The following TGFBR3 variants were observed in gnomAD, a reference collection of about 807,000 sequenced individuals.
TGFBR3 encodes transforming growth factor beta receptor type 3.
In TGFBR3, 46 loss-of-function variants were observed where a neutral mutation model predicts 87.9. That is an observed-to-expected ratio of 0.52 (90% CI 0.41 to 0.67). The LOEUF (loss-of-function observed/expected upper bound fraction) is 0.67. TGFBR3 is among the 30% of genes least tolerant of loss of function. The probability of loss-of-function intolerance (pLI) is 0.00; values close to 1 mark genes in which losing one functional copy is unlikely to be tolerated. For synonymous variants in TGFBR3, 381 were observed against 391.6 expected, an observed-to-expected ratio of 0.97 and a Z score of 0.32; for missense variants, 866 against 1,041.9, an observed-to-expected ratio of 0.83 and a Z score of 2.32.
chr1:91,880,862 T>G (rs1198574322), intron 1 of TGFBR3, among the ~76,000 whole-genome samples: 2 of 149,686 alleles, frequency 1.3e-5, no homozygotes, highest in East Asian at 3.9e-4. Flanking sequence ...TATATACATA[T>G]TATATATTAT....
chr1:91,823,993 A>G lies in TGFBR3; in HGVS notation c.62-26522T>C, dbSNP rs1389084307. 4.6e-5 allele frequency among the ~76,000 whole-genome samples: 7 copies of G among 152,264 alleles called. No homozygotes were observed. The East Asian group carries it at 1.4e-3, about 29-fold the overall frequency. ...AAAAATACAAGAAATAGCCAAGTTT[A>G]GTGGTGCACACCTGTAGTACCAGTG... On this transcript the variant is annotated intron_variant, in intron 2 of 16. Coordinates refer to ENST00000212355, the MANE Select transcript of TGFBR3 (RefSeq NM_003243.5).
At chr1:91,769,626 C>A (rs375323831) in intron 3 of TGFBR3, among the ~76,000 whole-genome samples, 5 of 152,044 alleles carry the variant, frequency 3.3e-5, no homozygotes, top group African/African-American at 9.7e-5. Context: ...GATAAGGGAG[C>A]TGTGTTTTTG....
At chr1:91,890,782 C>G (rs913864084), upstream of TGFBR3, among the ~76,000 whole-genome samples, 5 of 152,140 alleles carry the variant, frequency 3.3e-5, no homozygotes, top group African/African-American at 9.7e-5. Flanking sequence ...CCCAAGGTCA[C>G]ACAACCAGCA....
chr1:91,685,490 T>C (rs755835219), intron 16 of TGFBR3, among the ~76,000 whole-genome samples: 1 of 151,872 alleles, frequency 6.6e-6, no homozygotes, highest in African/African-American at 2.4e-5. Flanking sequence ...GCCTGGCTAA[T>C]TTTTTGTATT....
chr1:91,734,631 G>C, intron 5 of TGFBR3, 145 bp downstream of exon 5: 1 of 1,012,580 alleles, frequency 9.9e-7, no homozygotes, highest in Non-Finnish European at 1.6e-6. Flanking sequence ...GCGGTGGAGA[G>C]GCCTGGGGCC....
intron 2 of TGFBR3, among the ~76,000 whole-genome samples, chr1:91,805,451 C>A (rs1675792191): frequency 6.6e-6 from 1 of 152,234 alleles, no homozygotes; most frequent in Non-Finnish European, 1.5e-5. Flanking sequence ...GCCACCAGCA[C>A]AGAGGCACAG....
Position 91,720,075 on chromosome 1 carries a change from T to C in TGFBR3, c.1231A>G (p.Arg411Gly), listed in dbSNP as rs752629058. Residue 411 changes from arginine (R) to glycine (G), a missense_variant, in exon 9 of 17, where the codon AGA becomes GGA. By Grantham distance (125) the Arg-to-Gly change is moderately radical (BLOSUM62 -2). Coordinates refer to ENST00000212355, the MANE Select transcript of TGFBR3 (RefSeq NM_003243.5). The part of the protein sequence containing the change: ...LPFPFPDISR[R>G]VWNEEGEDGL... ...TCTTCTCCCTCTTCATTCCAGACTC[T>C]CCTGGAAATATCTGGGAAAGGAAAC... is the stretch of plus-strand genomic sequence containing the variant. 10 of 1,614,006 alleles carry C rather than the reference T, an allele frequency of 6.2e-6. No individual in the cohort carries two copies. The African/African-American group carries it at 1.3e-4, about 22-fold the overall frequency.
intron 1 of TGFBR3, among the ~76,000 whole-genome samples, chr1:91,903,669 C>G (rs983612758): frequency 6.6e-6 from 1 of 151,784 alleles, no homozygotes; most frequent in South Asian, 2.1e-4. Context: ...CTTAGGAGTT[C>G]GAGGCTGCAG....
At chr1:91,857,763 A>T (rs545840152) in intron 2 of TGFBR3, among the ~76,000 whole-genome samples, 1 of 152,298 alleles carries the variant, frequency 6.6e-6, no homozygotes, top group South Asian at 2.1e-4. Context: ...ACACAGCAAG[A>T]TCCCATCTCT....
chr1:91,830,738 T>G (rs1169318557), intron 2 of TGFBR3, among the ~76,000 whole-genome samples: 1 of 152,030 alleles, frequency 6.6e-6, no homozygotes, highest in Non-Finnish European at 1.5e-5. Context: ...ATGAAGGGCA[T>G]AAGGAGTAGC....
chr1:91,698,571 C>T (rs368911745), intron 14 of TGFBR3, among the ~76,000 whole-genome samples: 37 of 142,842 alleles, frequency 2.6e-4, no homozygotes, highest in African/African-American at 9.0e-4. Context: ...AGGGCAGTGG[C>T]GCCCTCAGCT....
chr1:91,894,826 A>G (rs1484296302), intron 2 of TGFBR3, among the ~76,000 whole-genome samples: 1 of 152,240 alleles, frequency 6.6e-6, no homozygotes, highest in Non-Finnish European at 1.5e-5. Flanking sequence ...GCTGGAGTGC[A>G]GTGGCACAAA....
chr1:91,771,559 A>G (rs1275538597), intron 3 of TGFBR3, among the ~76,000 whole-genome samples: 2 of 151,962 alleles, frequency 1.3e-5, no homozygotes, highest in Non-Finnish European at 2.9e-5. Flanking sequence ...CAAAAAAATT[A>G]GCCGGGCGTG....
chr1:91,694,484 T>C (rs1671366154), intron 16 of TGFBR3, among the ~76,000 whole-genome samples: 1 of 152,260 alleles, frequency 6.6e-6, no homozygotes, highest in Non-Finnish European at 1.5e-5. Context: ...ATGTAGTATT[T>C]AAAGTGAAAA....
At chr1:91,737,680 G>A (rs1043660053) in intron 4 of TGFBR3, among the ~76,000 whole-genome samples, 8 of 152,142 alleles carry the variant, frequency 5.3e-5, no homozygotes, top group Non-Finnish European at 1.2e-4. Context: ...AAGACTTCAG[G>A]TGTTTAAAGG....
chr1:91,803,573 CTTTTT>C (rs1260958538), intron 2 of TGFBR3, among the ~76,000 whole-genome samples: 1 of 151,518 alleles, frequency 6.6e-6, no homozygotes, highest in Non-Finnish European at 1.5e-5. Context: ...AATGTAAACT[CTTTTT>C]TTTATATAAG....
rs568647191 is a variant in TGFBR3 at position 91,774,490 on chromosome 1, T to G, written c.247-15740A>C. Among the ~76,000 whole-genome samples the G allele has an allele frequency of 4.0e-5, 6 of 151,844 alleles. No individual in the cohort carries two copies. The South Asian group carries it at 1.0e-3, about 26-fold the overall frequency. On this transcript the variant is annotated intron_variant, in intron 3 of 16. Transcript: ENST00000212355. ...TAATTGATACTGAAAGATGAGCAGGTTTTTTTTATTGAAATATAAGTTTCC... is the reference window on the plus strand; with the variant it reads ...TAATTGATACTGAAAGATGAGCAGGGTTTTTTTATTGAAATATAAGTTTCC...
chr1:91,742,139 C>T (rs1283856635), intron 4 of TGFBR3, among the ~76,000 whole-genome samples: 1 of 152,124 alleles, frequency 6.6e-6, no homozygotes, highest in East Asian at 1.9e-4. Context: ...CCAGGAGTAT[C>T]ACCTGCTCTG....
At position 91,682,675 on chromosome 1, in the gene TGFBR3, T is replaced by C. The variant is rs1670950445; in HGVS notation, c.*1064A>G. The C allele has an allele frequency of 2.2e-6, 1 of 453,892 alleles. No homozygotes were observed. Among genetic ancestry groups the C allele is most frequent in the Non-Finnish European group, 4.4e-6 (1 of 226,778 alleles). The allele number at this position is 453,892 out of a possible 1,614,324, so 28.1% of individuals were successfully genotyped here. ...CATGCATTTGCATCTTGCTACAGTT[T>C]GGTTTTTATGAAAGGGCCTATTTTT... On this transcript the variant is annotated 3_prime_UTR_variant, in exon 17 of 17. Transcript: ENST00000212355.
Sources: allele counts gnomAD v4.1 joint callset (sites outside exome capture counted in the v4.1 genomes callset), GRCh38; gene constraint gnomAD v4.1.1; transcripts MANE v1.5; gene names NCBI Gene and HGNC (gene_info 2026-07-23, HGNC 2026-07-21).